MSRB3: variants seen among roughly 807,000 people sequenced by gnomAD.
MSRB3 encodes the protein methionine-R-sulfoxide reductase B3.
In MSRB3, 13 loss-of-function variants were observed where a neutral mutation model predicts 21.0. The ratio of observed to expected loss-of-function variants is 0.62; its 90% CI spans 0.40 to 0.98. The LOEUF is 0.98. Ranked by LOEUF, MSRB3 falls within the 50% of genes least tolerant of loss-of-function variation. MSRB3 has a pLI of 0.00. For missense variants in MSRB3, 199 were observed against 230.3 expected, an observed-to-expected ratio of 0.86 and a Z score of 0.88; for synonymous variants, 87 against 88.6, an observed-to-expected ratio of 0.98 and a Z score of 0.10.
Position 65,400,774 on chromosome 12 carries a change from T to A in MSRB3, c.292+31748T>A, listed in dbSNP as rs144726393. Among the ~76,000 whole-genome samples the A allele has an allele frequency of 8.4e-3, 1,279 of 152,310 alleles. 19 individuals are homozygous for A. The highest frequency in any genetic ancestry group is 0.03 in the African/African-American group (1,227 of 41,574). On this transcript the variant is annotated intron_variant, in intron 5 of 6. Coordinates refer to ENST00000308259, the MANE Select transcript of MSRB3 (RefSeq NM_001031679.3). ...GTGCTATAAATTTCCGTCTAAACAC[T>A]GCTTTAGCTATGTCCCAGAGATTCT...
intron 6 of MSRB3, chr12:65,454,221 G>A (rs560704012): frequency 9.7e-6 from 4 of 412,776 alleles, no homozygotes; most frequent in Admixed American, 7.4e-5. Flanking sequence ...CCAGGAGGTC[G>A]AGGCTGCAGT....
intron 1 of MSRB3, among the ~76,000 whole-genome samples, chr12:65,287,564 G>A (rs552344754): frequency 2.0e-5 from 3 of 152,282 alleles, no homozygotes; most frequent in African/African-American, 7.2e-5. Context: ...GAAAGGTAAG[G>A]TCATATCTTC....
chr12:65,403,313 G>A (rs929933162), intron 5 of MSRB3, among the ~76,000 whole-genome samples: 10 of 152,216 alleles, frequency 6.6e-5, no homozygotes, highest in African/African-American at 2.4e-4. Context: ...CAGAGAGGAG[G>A]AAGCTAGACA....
At position 65,412,933 on chromosome 12, in the gene MSRB3, A is replaced by T. The variant is rs144983178; in HGVS notation, c.293-40795A>T. On this transcript the variant is annotated intron_variant, in intron 5 of 6. Coordinates refer to ENST00000308259, the MANE Select transcript of MSRB3 (RefSeq NM_001031679.3). ...GAAGAGCACTTTATAAAACCATCAG[A>T]TCTCTGAGAACTCACTTGCTATTAT... Among the ~76,000 whole-genome samples the T allele has an allele frequency of 3.9e-5, 6 of 152,228 alleles. No individual in the cohort carries two copies. The East Asian group carries it at 9.7e-4, about 25-fold the overall frequency.
At chr12:65,446,165 G>C (rs1882607523) in intron 5 of MSRB3, among the ~76,000 whole-genome samples, 1 of 152,136 alleles carries the variant, frequency 6.6e-6, no homozygotes, top group African/African-American at 2.4e-5. Flanking sequence ...AATGGCAGGA[G>C]GGAAGAAATA....
intron 4 of MSRB3, among the ~76,000 whole-genome samples, chr12:65,346,972 T>C: frequency 1.3e-5 from 2 of 152,202 alleles, no homozygotes; most frequent in East Asian, 1.9e-4. Context: ...AGTGCCATGC[T>C]GTTTTGTTAC....
At chr12:65,286,060 G>A (rs1434559160) in intron 1 of MSRB3, 5 of 152,204 alleles carry the variant, frequency 3.3e-5, no homozygotes, top group East Asian at 3.9e-4. Context: ...GAGAAAATAC[G>A]TAACAGCAAA....
At chr12:65,370,735 AT>A (rs200028374) in intron 5 of MSRB3, among the ~76,000 whole-genome samples, 1 of 151,904 alleles carries the variant, frequency 6.6e-6, no homozygotes. Context: ...TGCATGACTT[AT>A]TTTTTTTCAA....
chr12:65,422,283 A>T (rs1881341973), intron 5 of MSRB3, among the ~76,000 whole-genome samples: 1 of 151,444 alleles, frequency 6.6e-6, no homozygotes, highest in Non-Finnish European at 1.5e-5. Context: ...GTAGGGTAAG[A>T]CTTCAGCACT....
chr12:65,364,469 G>T (rs2136524411), intron 4 of MSRB3, among the ~76,000 whole-genome samples: 1 of 152,238 alleles, frequency 6.6e-6, no homozygotes, highest in East Asian at 1.9e-4. Context: ...GGTAAAATGG[G>T]TGTCTGTGGA....
chr12:65,356,595 T>C (rs1161482426), intron 4 of MSRB3, among the ~76,000 whole-genome samples: 1 of 151,908 alleles, frequency 6.6e-6, no homozygotes, highest in Non-Finnish European at 1.5e-5. Context: ...AAAAGTTACT[T>C]TGGAAATTAC....
intron 4 of MSRB3, among the ~76,000 whole-genome samples, chr12:65,330,555 T>C (rs1280967890): frequency 1.3e-5 from 2 of 152,160 alleles, no homozygotes; most frequent in Admixed American, 1.3e-4. Flanking sequence ...GAAACTGATA[T>C]GTCTGAGAGT....
chr12:65,298,727 G>A (rs928980983), intron 1 of MSRB3, among the ~76,000 whole-genome samples: 6 of 152,174 alleles, frequency 3.9e-5, no homozygotes, highest in Admixed American at 2.0e-4. Flanking sequence ...CAAAAATTCA[G>A]ATACAAGAGC....
chr12:65,352,632 C>G (rs1877092019), intron 4 of MSRB3, among the ~76,000 whole-genome samples: 1 of 151,858 alleles, frequency 6.6e-6, no homozygotes, highest in Admixed American at 6.6e-5. Context: ...GATACAAAAT[C>G]AATGTACAAA....
At chr12:65,357,887 C>T (rs983253657) in intron 4 of MSRB3, among the ~76,000 whole-genome samples, 2 of 151,910 alleles carry the variant, frequency 1.3e-5, no homozygotes, top group African/African-American at 4.8e-5. Context: ...TTGACCTTGA[C>T]CACATGGCTG....
chr12:65,421,208 A>G (rs1317180701), intron 5 of MSRB3, among the ~76,000 whole-genome samples: 1 of 152,170 alleles, frequency 6.6e-6, no homozygotes, highest in Middle Eastern at 3.2e-3. Context: ...CATTTCTCTA[A>G]TGATCAGCAC....
rs138932279 is a variant in MSRB3, at chr12:65,288,217, C to G, written c.-52+9352C>G. Among the ~76,000 whole-genome samples the G allele has an allele frequency of 1.5e-4, 22 of 151,212 alleles. No individual in the cohort carries two copies. The East Asian group carries it at 4.3e-3, about 30-fold the overall frequency. ...ACTCAGGAGGCTGAGGCAGGAGAAT[C>G]ACTTGAACCCGGGAGGCGGAGGTTC... On this transcript the variant is annotated intron_variant, in intron 1 of 6. Coordinates refer to ENST00000308259, the MANE Select transcript of MSRB3 (RefSeq NM_001031679.3).
In MSRB3 at chr12:65,328,584, T is replaced by G. The variant is rs387907088; in HGVS notation, c.244T>G (p.Cys82Gly). 1.2e-5 allele frequency: 20 copies of G among 1,612,040 alleles called. No individual in the cohort carries two copies. The South Asian group carries it at 2.2e-4, about 18-fold the overall frequency. The change falls in exon 4 of 7, where the codon TGT (cysteine) becomes GGT (glycine). Residue 82 changes from cysteine to glycine, a missense_variant. Coordinates refer to ENST00000308259, the MANE Select transcript of MSRB3 (RefSeq NM_001031679.3). ...TCCTGGAATATATAAATGTGTTGTT[T>G]GTGGAACTCCATTGTTTAAGTAAGT... ...KDPGIYKCVV[C>G]GTPLFKSETK...
At chr12:65,438,575 T>G (rs78788445) in intron 5 of MSRB3, among the ~76,000 whole-genome samples, 2,384 of 151,982 alleles carry the variant, frequency 0.016, 114 homozygotes, top group East Asian at 0.097. Flanking sequence ...AGGTTAGCAT[T>G]CAGTTTCTCA....
Sources: allele counts gnomAD v4.1 joint callset (sites outside exome capture counted in the v4.1 genomes callset), GRCh38; gene constraint gnomAD v4.1.1; transcripts MANE v1.5; gene names NCBI Gene and HGNC (gene_info 2026-07-23, HGNC 2026-07-21).